The following FAM184A variants were observed in gnomAD, a reference collection of about 807,000 sequenced individuals.
The protein encoded by FAM184A is protein FAM184A.
Under a neutral mutation model 143.8 loss-of-function variants are expected in FAM184A, and 99 were observed. The observed-to-expected ratio is 0.69, with a 90% CI of 0.58 to 0.81. The LOEUF is 0.81. Among genes scored for constraint, FAM184A ranks in the 40% least tolerant of loss-of-function variants. FAM184A has a pLI of 0.00. For missense variants in FAM184A, 1,217 were observed against 1,310.5 expected (o/e 0.93, Z 1.10); for synonymous variants, 427 against 446.4 (o/e 0.96, Z 0.55).
At chr6:118,968,503 C>G (rs1391037139) in intron 14 of FAM184A, among the ~76,000 whole-genome samples, 2 of 152,250 alleles carry the variant, frequency 1.3e-5, no homozygotes, top group African/African-American at 4.8e-5. Context: ...CATTTTATCC[C>G]AATATGGCAG....
intron 5 of FAM184A, among the ~76,000 whole-genome samples, chr6:119,014,544 A>G (rs756558284): frequency 1.3e-5 from 2 of 152,274 alleles, no homozygotes; most frequent in African/African-American, 2.4e-5. Flanking sequence ...CTACGAGAGA[A>G]TACATACTTT....
chr6:119,095,827 G>C (rs1788493541), intron 1 of FAM184A, among the ~76,000 whole-genome samples: 1 of 152,166 alleles, frequency 6.6e-6, no homozygotes, highest in Admixed American at 6.5e-5. Flanking sequence ...CCAAAGCACT[G>C]AGATTAAAGG....
intron 1 of FAM184A, among the ~76,000 whole-genome samples, chr6:119,091,652 T>A (rs1392684626): frequency 6.6e-6 from 1 of 152,168 alleles, no homozygotes; most frequent in Non-Finnish European, 1.5e-5. Context: ...GAAGCTACAC[T>A]ATGAGCAAGA....
At chr6:119,010,190 T>C (rs1785048344) in intron 6 of FAM184A, among the ~76,000 whole-genome samples, 1 of 152,214 alleles carries the variant, frequency 6.6e-6, no homozygotes, top group South Asian at 2.1e-4. Context: ...TCTTCTACTA[T>C]AAACAGTGCT....
upstream of FAM184A, among the ~76,000 whole-genome samples, chr6:119,080,304 G>T (rs1393923248): frequency 6.6e-6 from 1 of 152,182 alleles, no homozygotes; most frequent in Non-Finnish European, 1.5e-5. Context: ...AAAAGAGATG[G>T]TGTTACCAGC....
In FAM184A at chr6:118,976,003, T is replaced by C. The variant is rs1196597030; in HGVS notation, c.2497A>G (p.Ile833Val). 19 of 1,613,278 alleles carry C rather than the reference T, an allele frequency of 1.2e-5. No individual in the cohort carries two copies. In the Admixed American group the frequency reaches 2.2e-4, roughly 18 times the overall value. The change falls in exon 12 of 18, where the codon ATT (isoleucine) becomes GTT (valine). Residue 833 changes from isoleucine to valine, a missense_variant. Coordinates refer to ENST00000338891, the MANE Select transcript of FAM184A (RefSeq NM_024581.6). ...TGATGATTATGCCGTAACAAATCAATTGCAGCTGCATGTTGATGGTTGAGT... is the reference window on the plus strand; with the variant it reads ...TGATGATTATGCCGTAACAAATCAACTGCAGCTGCATGTTGATGGTTGAGT... Reference protein sequence around the residue: ...SELNHQHAAAIDLLRHNHHQE... With the variant: ...SELNHQHAAAVDLLRHNHHQE...
intron 1 of FAM184A, among the ~76,000 whole-genome samples, chr6:119,075,487 G>A (rs938497238): frequency 5.9e-5 from 9 of 152,148 alleles, no homozygotes; most frequent in Non-Finnish European, 1.2e-4. Context: ...CTTGCTCAAG[G>A]TCACAATAGT....
intron 1 of FAM184A, among the ~76,000 whole-genome samples, chr6:119,062,207 CAA>C (rs1164649932): frequency 2.6e-5 from 4 of 152,128 alleles, no homozygotes; most frequent in African/African-American, 9.6e-5. Context: ...TTTGGTAAAA[CAA>C]AGAGAAAAAT....
At chr6:119,028,668 C>CT (rs1785756801) in intron 1 of FAM184A, among the ~76,000 whole-genome samples, 1 of 152,142 alleles carries the variant, frequency 6.6e-6, no homozygotes, top group African/African-American at 2.4e-5. Context: ...TTCCCTCTAA[C>CT]TAACTTCTTC....
intron 1 of FAM184A, among the ~76,000 whole-genome samples, chr6:119,122,300 T>C (rs1789236614): frequency 6.6e-6 from 1 of 152,232 alleles, no homozygotes; most frequent in Non-Finnish European, 1.5e-5. Flanking sequence ...ATTGTTGGTC[T>C]AACAAGAGCA....
chr6:118,968,045 C>T (rs1322090039), intron 14 of FAM184A, among the ~76,000 whole-genome samples: 1 of 152,164 alleles, frequency 6.6e-6, no homozygotes, highest in African/African-American at 2.4e-5. Context: ...GCCCTCTATC[C>T]AGTCCCCTGG....
At position 119,096,661 on chromosome 6, in the gene FAM184A, A is replaced by G. The variant is rs1162931930; in HGVS notation, c.-202+52417T>C. On this transcript the variant is annotated intron_variant, in intron 1 of 16. Transcript: ENST00000352896. ...CCATCTCAAAAAAAAAAAAAAAAAA[A>G]AAAAAAGAAAGAAAGAAAAGGTTAA... Among the ~76,000 whole-genome samples the G allele has an allele frequency of 1.3e-5, 2 of 151,200 alleles. 1 individual carries two copies. The highest frequency in any genetic ancestry group is 2.9e-5 in the Non-Finnish European group (2 of 67,812).
At chr6:119,148,185 G>C (rs1337013750) in intron 1 of FAM184A, among the ~76,000 whole-genome samples, 1 of 152,142 alleles carries the variant, frequency 6.6e-6, no homozygotes, top group Non-Finnish European at 1.5e-5. Flanking sequence ...GTGGCCAGGA[G>C]AGTGTCAGCA....
chr6:119,004,883 C>T (rs193239267), intron 7 of FAM184A, among the ~76,000 whole-genome samples: 17 of 152,064 alleles, frequency 1.1e-4, no homozygotes, highest in East Asian at 1.9e-4. Context: ...CCAGGACAGC[C>T]GGGGGAAAGG....
intron 5 of FAM184A, among the ~76,000 whole-genome samples, chr6:119,013,124 G>A (rs562222342): frequency 1.7e-4 from 26 of 151,914 alleles, no homozygotes; most frequent in African/African-American, 6.0e-4. Context: ...AAAAAGAAGG[G>A]TAGAAATAAT....
intron 1 of FAM184A, among the ~76,000 whole-genome samples, chr6:119,120,319 T>A (rs755383746): frequency 3.3e-5 from 5 of 152,258 alleles, no homozygotes; most frequent in Non-Finnish European, 7.3e-5. Flanking sequence ...GGTTTATCCA[T>A]GTTTTAGTAC....
intron 1 of FAM184A, among the ~76,000 whole-genome samples, chr6:119,092,998 T>C (rs768550458): frequency 2.1e-4 from 32 of 152,206 alleles, no homozygotes; most frequent in Non-Finnish European, 4.0e-4. Flanking sequence ...GCATATTACA[T>C]GAATTATGTC....
rs149963918 is a variant in FAM184A, at chr6:119,144,098, C to T, written c.-202+4980G>A. 7.6e-4 allele frequency among the ~76,000 whole-genome samples: 115 copies of T among 150,926 alleles called. 2 individuals carry two copies. In the East Asian group the frequency reaches 0.02, roughly 26 times the overall value. ...ATCCCAGCACTTTGGGAGGCCGAGG[C>T]GGGTGGATCACGAGGTCAGAAGATC... On this transcript the variant is annotated intron_variant, in intron 1 of 16. Coordinates refer to the FAM184A transcript ENST00000352896.
At chr6:119,026,006 CA>C (rs1227530964) in intron 1 of FAM184A, among the ~76,000 whole-genome samples, 1 of 152,188 alleles carries the variant, frequency 6.6e-6, no homozygotes, top group African/African-American at 2.4e-5. Context: ...GATAGGCTGT[CA>C]CTGTCTGGGA....
Sources: allele counts gnomAD v4.1 joint callset (sites outside exome capture counted in the v4.1 genomes callset), GRCh38; gene constraint gnomAD v4.1.1; transcripts MANE v1.5; gene names NCBI Gene and HGNC (gene_info 2026-07-23, HGNC 2026-07-21).